Variants in CAST observed in about 807,000 individuals in gnomAD.
CAST encodes MIR583 host.
CAST carries 76 observed loss-of-function variants against 119.6 expected under a neutral mutation model. That is an observed-to-expected ratio of 0.64 (90% CI 0.53 to 0.77). CAST has a LOEUF of 0.77. CAST is among the 30% of genes least tolerant of loss of function. The pLI, the probability that CAST is intolerant of heterozygous loss-of-function variation, is 0.00. For synonymous variants in CAST, 319 were observed against 331.6 expected (o/e 0.96, Z 0.41); for missense variants, 953 against 946.5 (o/e 1.01, Z -0.09).
At chr5:96,412,641 C>T in the CAST span, 13 of 735,414 alleles carry the variant, frequency 1.8e-5, no homozygotes, top group African/African-American at 3.5e-5. Flanking sequence ...TTCTGTAACC[C>T]AGCTACTGAC....
chr5:96,556,288 TA>T (rs1482973541), intron 1 of CAST, among the ~76,000 whole-genome samples: 5 of 152,126 alleles, frequency 3.3e-5, no homozygotes, highest in Non-Finnish European at 7.4e-5. Flanking sequence ...CTGGAAACTC[TA>T]AAAAGCAGAG....
At chr5:96,077,932 G>A in the CAST span, among the ~76,000 whole-genome samples, 1 of 152,204 alleles carries the variant, frequency 6.6e-6, no homozygotes, top group Non-Finnish European at 1.5e-5. Flanking sequence ...CTACTGGATA[G>A]CTGGATTACC....
At chr5:96,423,731 G>A in the CAST span, among the ~76,000 whole-genome samples, 9 of 152,158 alleles carry the variant, frequency 5.9e-5, no homozygotes, top group Non-Finnish European at 1.3e-4. Flanking sequence ...TGGCTTTGAA[G>A]AATTTTATCC....
At chr5:95,983,496 A>G in the CAST span, among the ~76,000 whole-genome samples, 2 of 152,118 alleles carry the variant, frequency 1.3e-5, no homozygotes, top group African/African-American at 4.8e-5. Flanking sequence ...GGTTATGGGA[A>G]TGTGGGGTAG....
At chr5:96,309,461 C>T in the CAST span, among the ~76,000 whole-genome samples, 12 of 152,184 alleles carry the variant, frequency 7.9e-5, no homozygotes, top group African/African-American at 2.9e-4. Context: ...GGGGAGTGAA[C>T]GATTCTGTAT....
At chr5:96,722,499 CTCCT>C (rs1758466932) in intron 3 of CAST, 136 bp from the exon 4 acceptor site, 1 of 645,220 alleles carries the variant, frequency 1.5e-6, no homozygotes. Flanking sequence ...TGGACACCAC[CTCCT>C]ACTAGATTTT....
At chr5:96,070,671 G>A in the CAST span, among the ~76,000 whole-genome samples, 4 of 151,390 alleles carry the variant, frequency 2.6e-5, no homozygotes, top group South Asian at 6.2e-4. Context: ...TTTTGAATAC[G>A]TTGAATTGAA....
chr5:96,369,595 A>T, the CAST span, among the ~76,000 whole-genome samples: 4 of 152,244 alleles, frequency 2.6e-5, no homozygotes, highest in East Asian at 7.7e-4. Context: ...TCTTGGGAAG[A>T]TGATCGTAGA....
chr5:96,288,746 A>T, the CAST span, among the ~76,000 whole-genome samples: 29 of 152,312 alleles, frequency 1.9e-4, no homozygotes, highest in South Asian at 4.1e-3. Flanking sequence ...GCAGCCTAAG[A>T]CAAGTTTAAT....
the CAST span, among the ~76,000 whole-genome samples, chr5:96,177,362 G>A: frequency 1.3e-5 from 2 of 152,202 alleles, no homozygotes; most frequent in Non-Finnish European, 2.9e-5. Flanking sequence ...TGAAATCCAA[G>A]AGAATATTGT....
At chr5:96,020,459 T>G in the CAST span, among the ~76,000 whole-genome samples, 392 of 152,102 alleles carry the variant, frequency 2.6e-3, 3 homozygotes, top group African/African-American at 9.0e-3. Flanking sequence ...CAGCAGGAGG[T>G]GAGCAGCAGA....
At chr5:96,018,880 G>A in the CAST span, among the ~76,000 whole-genome samples, 1 of 152,186 alleles carries the variant, frequency 6.6e-6, no homozygotes, top group Admixed American at 6.5e-5. Context: ...CAGTGTTAGT[G>A]TTCCATCAAG....
the CAST span, among the ~76,000 whole-genome samples, chr5:96,420,486 C>A: frequency 6.6e-6 from 1 of 152,090 alleles, no homozygotes; most frequent in African/African-American, 2.4e-5. Context: ...GGGATATTTG[C>A]GGTTAACCCC....
At chr5:96,221,335 T>G in the CAST span, among the ~76,000 whole-genome samples, 2 of 152,112 alleles carry the variant, frequency 1.3e-5, no homozygotes, top group Non-Finnish European at 2.9e-5. Context: ...TTGTCTCTCT[T>G]TGCAGGTTCT....
chr5:96,137,011 A>G, the CAST span, among the ~76,000 whole-genome samples: 1 of 152,132 alleles, frequency 6.6e-6, no homozygotes, highest in African/African-American at 2.4e-5. Context: ...GCTTTGTCAC[A>G]TTCTGCAGGC....
At chr5:96,736,120 T>G in intron 9 of CAST, 52 bp from the exon 10 acceptor site, 8 of 1,088,834 alleles carry the variant, frequency 7.3e-6, no homozygotes, top group Middle Eastern at 4.0e-4. Context: ...TGTAATAGTA[T>G]TGAGTTTTAT....
At chr5:96,668,227 C>G (rs1338406498) in intron 1 of CAST, among the ~76,000 whole-genome samples, 1 of 152,066 alleles carries the variant, frequency 6.6e-6, no homozygotes, top group Admixed American at 6.6e-5. Flanking sequence ...ATCCTTGTAA[C>G]CAAATTGCTG....
chr5:96,666,257 A>AACACACAT (rs1749319747), intron 1 of CAST, among the ~76,000 whole-genome samples: 1 of 150,044 alleles, frequency 6.7e-6, no homozygotes. Context: ...GGTTGTAGTA[A>AACACACAT]ACACACACAC....
chr5:96,394,854 C>G, the CAST span: 1 of 1,613,646 alleles, frequency 6.2e-7, no homozygotes, highest in Non-Finnish European at 8.5e-7. Context: ...AAGAACAGAG[C>G]CACACAGACC....
Sources: gnomAD v4.1 joint callset for allele counts (sites outside exome capture counted in the v4.1 genomes callset) on GRCh38, gnomAD v4.1.1 for gene constraint, MANE v1.5 for transcripts, NCBI Gene and HGNC (gene_info 2026-07-23, HGNC 2026-07-21) for gene names.